The following MSRB3 variants were observed in gnomAD, a reference collection of about 807,000 sequenced individuals.
MSRB3 encodes methionine sulfoxide reductase B3, also known as methionine-R-sulfoxide reductase B3.
In MSRB3, 13 loss-of-function variants were observed where a neutral mutation model predicts 21.0. The ratio of observed to expected loss-of-function variants is 0.62; its 90% CI spans 0.40 to 0.98. The LOEUF (loss-of-function observed/expected upper bound fraction) is 0.98. Among genes scored for constraint, MSRB3 ranks in the 50% least tolerant of loss-of-function variants. The probability of loss-of-function intolerance (pLI) is 0.00; values close to 1 mark genes in which losing one functional copy is unlikely to be tolerated. For missense variants in MSRB3, 199 were observed against 230.3 expected, an observed-to-expected ratio of 0.86 and a Z score of 0.88; for synonymous variants, 87 against 88.6, an observed-to-expected ratio of 0.98 and a Z score of 0.10.
At chr12:65,348,408 A>G (rs1327907176) in intron 4 of MSRB3, among the ~76,000 whole-genome samples, 2 of 152,060 alleles carry the variant, frequency 1.3e-5, no homozygotes, top group Non-Finnish European at 2.9e-5. Context: ...GGTAGTTTGT[A>G]TTTCTGTGGG....
chr12:65,401,996 G>A (rs920182767), intron 5 of MSRB3, among the ~76,000 whole-genome samples: 2 of 152,312 alleles, frequency 1.3e-5, no homozygotes, highest in African/African-American at 4.8e-5. Flanking sequence ...AGTCTGATGG[G>A]CTTCCCTTTG....
intron 5 of MSRB3, among the ~76,000 whole-genome samples, chr12:65,448,012 T>G (rs1424292870): frequency 2.6e-5 from 4 of 152,156 alleles, no homozygotes; most frequent in Non-Finnish European, 5.9e-5. Flanking sequence ...TGATTTTCGG[T>G]CTCCTAGGAT....
intron 5 of MSRB3, among the ~76,000 whole-genome samples, chr12:65,450,072 G>A (rs117288456): frequency 6.6e-6 from 1 of 151,946 alleles, no homozygotes; most frequent in Admixed American, 6.6e-5. Context: ...GATTTATTAA[G>A]CTACATTATG....
intron 1 of MSRB3, among the ~76,000 whole-genome samples, chr12:65,292,902 A>G (rs1258953426): frequency 2.0e-5 from 3 of 152,162 alleles, no homozygotes; most frequent in Non-Finnish European, 4.4e-5. Context: ...CAATCAGAAA[A>G]AAGAAACTTC....
intron 5 of MSRB3, among the ~76,000 whole-genome samples, chr12:65,393,384 A>T (rs1592594425): frequency 6.6e-6 from 1 of 152,198 alleles, no homozygotes; most frequent in African/African-American, 2.4e-5. Context: ...CTGTAATCCC[A>T]GCACTTTGGG....
At chr12:65,316,985 C>T (rs752391670) in intron 2 of MSRB3, among the ~76,000 whole-genome samples, 4 of 151,878 alleles carry the variant, frequency 2.6e-5, no homozygotes, top group Admixed American at 2.0e-4. Context: ...CATGGGTTAG[C>T]AATAGATAGG....
At chr12:65,280,767 C>G (rs1871968312) in intron 1 of MSRB3, among the ~76,000 whole-genome samples, 1 of 152,170 alleles carries the variant, frequency 6.6e-6, no homozygotes, top group African/African-American at 2.4e-5. Flanking sequence ...TGAATCAACA[C>G]ACTGCTTTTT....
At chr12:65,336,525 GTTC>G (rs1875773930) in intron 4 of MSRB3, among the ~76,000 whole-genome samples, 1 of 152,194 alleles carries the variant, frequency 6.6e-6, no homozygotes, top group African/African-American at 2.4e-5. Context: ...AACAATCTTA[GTTC>G]TTCAGTTAAT....
rs530939039 is a variant in MSRB3, at chr12:65,327,116, C to A, written c.185+182C>A. The stretch of plus-strand genomic sequence containing the variant: ...AGGTTAAGACTAAGTTTTATTTGTT[C>A]TTTTCTCCATTTAATGAATACTGCA... On this transcript the variant is annotated intron_variant, in intron 3 of 6. Transcript: ENST00000308259. Among the ~76,000 whole-genome samples, 6 of 152,282 alleles carry A rather than the reference C, an allele frequency of 3.9e-5. No individual in the cohort carries two copies. The East Asian group carries it at 1.2e-3, about 29-fold the overall frequency.
chr12:65,453,177 G>A (rs545044096), intron 5 of MSRB3, among the ~76,000 whole-genome samples: 15 of 152,282 alleles, frequency 9.9e-5, no homozygotes, highest in Non-Finnish European at 1.8e-4. Flanking sequence ...ATAGATAGAT[G>A]CTATGATTTC....
chr12:65,320,070 A>G (rs1317427664), intron 2 of MSRB3, among the ~76,000 whole-genome samples: 1 of 152,198 alleles, frequency 6.6e-6, no homozygotes, highest in East Asian at 1.9e-4. Flanking sequence ...TATAATATCC[A>G]TTGATGTTAA....
At chr12:65,449,186 G>T (rs1362672577) in intron 5 of MSRB3, among the ~76,000 whole-genome samples, 1 of 143,700 alleles carries the variant, frequency 7.0e-6, no homozygotes, top group African/African-American at 2.6e-5. Flanking sequence ...CCCCCACCAC[G>T]CCTGGCTAAT....
chr12:65,397,660 C>G (rs542819197), intron 5 of MSRB3, among the ~76,000 whole-genome samples: 1 of 152,124 alleles, frequency 6.6e-6, no homozygotes, highest in Non-Finnish European at 1.5e-5. Flanking sequence ...GCAGAACATG[C>G]AGGTTTGTTA....
At chr12:65,318,152 T>C (rs1296294578) in intron 2 of MSRB3, among the ~76,000 whole-genome samples, 1 of 152,198 alleles carries the variant, frequency 6.6e-6, no homozygotes, top group Non-Finnish European at 1.5e-5. Context: ...CAGATTTAGC[T>C]GTTTGTTGAG....
intron 5 of MSRB3, among the ~76,000 whole-genome samples, chr12:65,391,464 C>T (rs1393886252): frequency 1.3e-5 from 2 of 152,152 alleles, no homozygotes; most frequent in African/African-American, 4.8e-5. Context: ...ATATGTGCTT[C>T]TGGTTGTAGA....
chr12:65,334,011 G>C (rs192574409), intron 4 of MSRB3, among the ~76,000 whole-genome samples: 1 of 152,322 alleles, frequency 6.6e-6, no homozygotes, highest in Admixed American at 6.5e-5. Context: ...AGGAAATAGG[G>C]ATGTTAATTA....
chr12:65,396,839 C>T lies in MSRB3; in HGVS notation c.292+27813C>T, dbSNP rs1006802750. On this transcript the variant is annotated intron_variant, in intron 5 of 6. Transcript: ENST00000308259. ...TTAAGAAGACTGTGTATTCTGCTGT[C>T]GTTGGATAAAGTAGTCTATAGATGT... Among the ~76,000 whole-genome samples the T allele has an allele frequency of 6.6e-5, 10 of 152,216 alleles. 1 individual carries two copies. Among genetic ancestry groups the T allele is most frequent in the South Asian group, 2.1e-4 (1 of 4,818 alleles).
At chr12:65,287,429 A>G (rs940182795) in intron 1 of MSRB3, among the ~76,000 whole-genome samples, 4 of 152,060 alleles carry the variant, frequency 2.6e-5, no homozygotes, top group Middle Eastern at 3.2e-3. Context: ...CGCCCAGTAC[A>G]TTTCTTTTGT....
intron 5 of MSRB3, among the ~76,000 whole-genome samples, chr12:65,439,236 G>A (rs1007253155): frequency 1.5e-4 from 23 of 151,526 alleles, no homozygotes; most frequent in African/African-American, 5.3e-4. Context: ...AGAGTACAAA[G>A]CAATCATAAA....
Sources: gnomAD v4.1 joint callset for allele counts (sites outside exome capture counted in the v4.1 genomes callset) on GRCh38, gnomAD v4.1.1 for gene constraint, MANE v1.5 for transcripts, NCBI Gene and HGNC (gene_info 2026-07-23, HGNC 2026-07-21) for gene names.